DAB2: variants seen among roughly 807,000 people sequenced by gnomAD.
DAB2 encodes DAB adaptor protein 2, also known as disabled homolog 2.
A neutral mutation model predicts 71.6 loss-of-function variants in DAB2; 28 were observed. That is an observed-to-expected ratio of 0.39 (90% CI 0.29 to 0.54). The LOEUF (loss-of-function observed/expected upper bound fraction) is 0.54. Ranked by LOEUF, DAB2 falls within the 20% of genes least tolerant of loss-of-function variation. DAB2 has a pLI of 0.68. For missense variants in DAB2, 867 were observed against 928.8 expected (o/e 0.93, Z 0.86); for synonymous variants, 345 against 339.7 (o/e 1.02, Z -0.17).
Position 39,372,503 on chromosome 5 carries a change from G to A in DAB2, c.*928C>T, listed in dbSNP as rs1430254232. Reference sequence around the variant, plus strand: ...CATTAACTGCTCTTCTGGAACTTCAGCTCAAGAGAGTGGCCTCCTCTTCCA... The same window carrying A: ...CATTAACTGCTCTTCTGGAACTTCAACTCAAGAGAGTGGCCTCCTCTTCCA... On this transcript the variant is annotated 3_prime_UTR_variant, in exon 15 of 15. Coordinates refer to ENST00000320816, the MANE Select transcript of DAB2 (RefSeq NM_001343.4). 2 of 152,164 alleles carry A rather than the reference G, an allele frequency of 1.3e-5. No homozygotes were observed. The highest frequency in any genetic ancestry group is 4.8e-5 in the African/African-American group (2 of 41,432). The allele number at this position is 152,164 out of a possible 1,614,324, so 9.4% of individuals were successfully genotyped here. A position where few individuals can be genotyped will look rare whatever the true frequency, so the allele number is the denominator to read the frequency against.
chr5:39,394,054 C>G (rs925375386), intron 2 of DAB2, among the ~76,000 whole-genome samples, 176 bp downstream of exon 2: 3 of 152,170 alleles, frequency 2.0e-5, no homozygotes, highest in Non-Finnish European at 2.9e-5. Flanking sequence ...TCTTATTACA[C>G]GTGAGATGAA....
intron 11 of DAB2, among the ~76,000 whole-genome samples, chr5:39,378,508 G>A (rs994151645): frequency 6.6e-6 from 1 of 152,182 alleles, no homozygotes; most frequent in African/African-American, 2.4e-5. Flanking sequence ...TAGGAGTGAT[G>A]GAGCACAAGA....
Position 39,414,714 on chromosome 5 carries a change from A to AGG in DAB2, c.-102+10088_-102+10089dup, listed in dbSNP as rs72235087. Among the ~76,000 whole-genome samples the AGG allele has an allele frequency of 8.2e-3, 1,147 of 139,694 alleles. 16 individuals are homozygous for AGG. Among genetic ancestry groups the AGG allele is most frequent in the African/African-American group, 0.027 (1,055 of 38,608 alleles). 91.6% of individuals were successfully genotyped at this position (139,694 alleles called of 152,430 possible). On this transcript the variant is annotated intron_variant, in intron 1 of 14. Transcript: ENST00000320816. ...TATAAATAACCTTAAAGTTAAAAAAAGGGGGGGGGGTGGTCAGAATTGTTT... is the reference window on the plus strand; with the variant it reads ...TATAAATAACCTTAAAGTTAAAAAAAGGGGGGGGGGGGTGGTCAGAATTGTTT...
At chr5:39,400,140 A>G (rs190598475) in intron 1 of DAB2, among the ~76,000 whole-genome samples, 2 of 152,250 alleles carry the variant, frequency 1.3e-5, no homozygotes, top group Admixed American at 1.3e-4. Context: ...TAGGGAATTT[A>G]TTTTTAACAT....
chr5:39,395,543 A>G (rs1755341098), intron 1 of DAB2, among the ~76,000 whole-genome samples: 1 of 152,244 alleles, frequency 6.6e-6, no homozygotes. Flanking sequence ...AATTGCACTT[A>G]GCTTGTTTAC....
At position 39,382,719 on chromosome 5, in the gene DAB2, G is replaced by T; in HGVS notation, c.1240C>A (p.Gln414Lys). ...GACTGGACAGAGCTTTCCAAGTCCT[G>T]CTTTACGCCATTCTGTATGGACAGT... The part of the protein sequence containing the change: ...KGLSIQNGVK[Q>K]DLESSVQSSP... The change falls in exon 10 of 15, where the codon CAG becomes AAG. Residue 414 changes from glutamine (Q) to lysine (K), a missense_variant. By Grantham distance (53) the Gln-to-Lys change is moderately conservative. Around this residue, in one of 2 missense-constraint regions of DAB2, gnomAD observed 740 missense variants for 734.3 expected, o/e 1.01. Coordinates refer to ENST00000320816, the MANE Select transcript of DAB2 (RefSeq NM_001343.4). The T allele has an allele frequency of 6.2e-7, 1 of 1,614,180 alleles. No individual in the cohort carries two copies. The highest frequency in any genetic ancestry group is 8.5e-7 in the Non-Finnish European group (1 of 1,180,016).
chr5:39,399,448 C>T (rs1579916515), intron 1 of DAB2, among the ~76,000 whole-genome samples: 3 of 152,144 alleles, frequency 2.0e-5, no homozygotes, highest in Admixed American at 2.0e-4. Flanking sequence ...AAAGGAAGAT[C>T]TAAAGTTATC....
intron 3 of DAB2, among the ~76,000 whole-genome samples, chr5:39,392,970 A>AT (rs1381329299): frequency 6.6e-6 from 1 of 152,216 alleles, no homozygotes; most frequent in Non-Finnish European, 1.5e-5. Context: ...CACAGCTTTT[A>AT]TAGGAATAGA....
Position 39,398,945 on chromosome 5 carries a change from G to A in DAB2, c.-101-4524C>T, listed in dbSNP as rs561684887. ...GTAATGCATTTGAATATTGTCACTT[G>A]CATCCATAAAACTTTTAGCAGGGTT... On this transcript the variant is annotated intron_variant, in intron 1 of 14. Coordinates refer to ENST00000320816, the MANE Select transcript of DAB2 (RefSeq NM_001343.4). Among the ~76,000 whole-genome samples the A allele has an allele frequency of 1.8e-4, 27 of 152,250 alleles. No homozygotes were observed. In the South Asian group the frequency reaches 3.9e-3, roughly 22 times the overall value.
intron 9 of DAB2, among the ~76,000 whole-genome samples, chr5:39,386,056 T>C (rs902936179): frequency 3.3e-5 from 5 of 152,224 alleles, no homozygotes; most frequent in Admixed American, 3.3e-4. Context: ...TTGTACCAGA[T>C]TTAATCTCCT....
At position 39,389,839 on chromosome 5, in the gene DAB2, A is replaced by G. The variant is rs1276544655; in HGVS notation, c.543+13T>C. 1.4e-6 allele frequency: 2 copies of G among 1,415,622 alleles called. No homozygotes were observed. Among genetic ancestry groups the G allele is most frequent in the Non-Finnish European group, 2.0e-6 (2 of 1,012,084 alleles). 87.7% of individuals were successfully genotyped at this position (1,415,622 alleles called of 1,614,324 possible). A position where few individuals can be genotyped will look rare whatever the true frequency, so the allele number is the denominator to read the frequency against. ...TTTTAAATTTAATAGAGCCTTAATC[A>G]GGTAGTACTTGCCTTTTTCTTTTCT... On this transcript the variant is annotated intron_variant, in intron 6 of 14. Transcript: ENST00000320816.
At chr5:39,414,205 T>C (rs1464730775) in intron 1 of DAB2, among the ~76,000 whole-genome samples, 5 of 152,102 alleles carry the variant, frequency 3.3e-5, no homozygotes, top group Non-Finnish European at 5.9e-5. Flanking sequence ...AGTAATGAGT[T>C]TGTGACCTAA....
At chr5:39,388,759 G>C (rs1052878931) in intron 8 of DAB2, 40 bp downstream of exon 8, 26 of 1,539,476 alleles carry the variant, frequency 1.7e-5, no homozygotes, top group Non-Finnish European at 2.3e-5. Flanking sequence ...CCCATGTTCA[G>C]ATAAGTAAGA....
chr5:39,395,937 C>CTGTTTTTTT (rs1755356244), intron 1 of DAB2, among the ~76,000 whole-genome samples: 1 of 74,858 alleles, frequency 1.3e-5, no homozygotes. Flanking sequence ...CACAGATATT[C>CTGTTTTTTT]TTTTTTTTTT....
chr5:39,396,553 A>G (rs1272382174), intron 1 of DAB2, among the ~76,000 whole-genome samples: 1 of 152,094 alleles, frequency 6.6e-6, no homozygotes, highest in Non-Finnish European at 1.5e-5. Flanking sequence ...TTATGTGTAT[A>G]CACTGGTATG....
Position 39,388,385 on chromosome 5 carries a change from A to G in DAB2, c.625-18T>C. 6 of 1,576,542 alleles carry G rather than the reference A, an allele frequency of 3.8e-6. No homozygotes were observed. Among genetic ancestry groups the G allele is most frequent in the Non-Finnish European group, 5.2e-6 (6 of 1,146,992 alleles). ...TCAACACCCTTAAAAAAGTATTTGG[A>G]TTAGATTCAGATGTGTCTACTAAAA... is the stretch of plus-strand genomic sequence containing the variant. On this transcript the variant is annotated intron_variant, in intron 8 of 14. Transcript: ENST00000320816.
intron 5 of DAB2, 95 bp downstream of exon 5, chr5:39,390,349 C>A: frequency 7.1e-7 from 1 of 1,416,876 alleles, no homozygotes; most frequent in Non-Finnish European, 9.6e-7. Flanking sequence ...CCTCTTACAT[C>A]CAATTATTTC....
intron 1 of DAB2, chr5:39,423,554 T>C (rs1247854184): frequency 1.3e-5 from 2 of 152,200 alleles, no homozygotes; most frequent in Non-Finnish European, 2.9e-5. Flanking sequence ...GGTGCTTTTG[T>C]GTGAGAAGCC....
intron 1 of DAB2, among the ~76,000 whole-genome samples, chr5:39,399,502 G>T (rs1257889710): frequency 6.6e-6 from 1 of 152,156 alleles, no homozygotes; most frequent in Admixed American, 6.5e-5. Context: ...AGAACAGAAA[G>T]CTGTAAAGGA....
Sources: gnomAD v4.1 joint callset for allele counts (sites outside exome capture counted in the v4.1 genomes callset) on GRCh38, gnomAD v4.1.1 for gene constraint, gnomAD v4.1.1 regional missense constraint, MANE v1.5 for transcripts, NCBI Gene and HGNC (gene_info 2026-07-23, HGNC 2026-07-21) for gene names.